Variants in FER1L6 observed in about 807,000 individuals in gnomAD.
The protein encoded by FER1L6 is fer-1 like family member 6.
Under a neutral mutation model 219.2 loss-of-function variants are expected in FER1L6, and 177 were observed. The observed-to-expected ratio is 0.81, with a 90% CI of 0.71 to 0.91. The LOEUF (loss-of-function observed/expected upper bound fraction) is 0.91, where lower values mean the gene tolerates loss of function less well. Among genes scored for constraint, FER1L6 ranks in the 40% least tolerant of loss-of-function variants. FER1L6 has a pLI of 0.00. For missense variants in FER1L6, 2,153 were observed against 2,259.9 expected, an observed-to-expected ratio of 0.95 and a Z score of 0.96; for synonymous variants, 768 against 824.3, an observed-to-expected ratio of 0.93 and a Z score of 1.17.
At chr8:124,103,048 A>T (rs1337011016) in intron 38 of FER1L6, 98 bp from the exon 39 acceptor site, 2 of 1,085,614 alleles carry the variant, frequency 1.8e-6, no homozygotes, top group African/African-American at 3.1e-5. Context: ...AATGAGTAGG[A>T]AGTGAAGGGT....
chr8:124,003,087 G>T, intron 12 of FER1L6, 80 bp from the exon 13 acceptor site: 1 of 1,199,110 alleles, frequency 8.3e-7, no homozygotes, highest in Non-Finnish European at 1.2e-6. Flanking sequence ...GGGAGAACAT[G>T]AGTTTGGATC....
At chr8:124,074,624 C>T (rs905513396) in intron 31 of FER1L6, among the ~76,000 whole-genome samples, 9 of 150,076 alleles carry the variant, frequency 6.0e-5, no homozygotes, top group Admixed American at 1.3e-4. Context: ...TGTACTTTAG[C>T]CTAGGTGACA....
intron 2 of FER1L6, among the ~76,000 whole-genome samples, chr8:123,958,363 G>T (rs1815111150): frequency 6.6e-6 from 1 of 152,168 alleles, no homozygotes; most frequent in Non-Finnish European, 1.5e-5. Flanking sequence ...TGGCCAATGG[G>T]GTGCTCCAGC....
chr8:123,980,060 G>A (rs1386970969), intron 10 of FER1L6, among the ~76,000 whole-genome samples: 1 of 152,134 alleles, frequency 6.6e-6, no homozygotes, highest in East Asian at 1.9e-4. Context: ...AACACAAAGT[G>A]TATTTCCTCC....
chr8:123,871,114 A>G (rs1256682387), intron 1 of FER1L6, among the ~76,000 whole-genome samples: 1 of 152,244 alleles, frequency 6.6e-6, no homozygotes, highest in Non-Finnish European at 1.5e-5. Flanking sequence ...GGAGAAGTCT[A>G]TAATAATCCA....
At chr8:123,865,292 C>T (rs1373500543) in intron 1 of FER1L6, among the ~76,000 whole-genome samples, 6 of 149,978 alleles carry the variant, frequency 4.0e-5, no homozygotes, top group Non-Finnish European at 7.4e-5. Context: ...TTAGGCTGCT[C>T]AGGGGTCAGG....
intron 1 of FER1L6, among the ~76,000 whole-genome samples, chr8:123,951,121 A>AG (rs1275482484): frequency 1.3e-5 from 2 of 152,192 alleles, no homozygotes; most frequent in Non-Finnish European, 2.9e-5. Flanking sequence ...TCTCTTTGAG[A>AG]GGATAGCTCA....
intron 1 of FER1L6, among the ~76,000 whole-genome samples, chr8:123,857,835 TC>T (rs1816675510): frequency 2.0e-5 from 3 of 152,212 alleles, no homozygotes; most frequent in Admixed American, 2.0e-4. Flanking sequence ...GCCGGAATTT[TC>T]TGGACAAAAA....
chr8:124,079,759 G>A (rs764206264), intron 32 of FER1L6, among the ~76,000 whole-genome samples: 2 of 152,170 alleles, frequency 1.3e-5, no homozygotes, highest in Admixed American at 1.3e-4. Flanking sequence ...TAAGGGAGAG[G>A]TACAGGGGCC....
At chr8:123,884,200 G>A (rs1586439092) in intron 1 of FER1L6, among the ~76,000 whole-genome samples, 2 of 152,366 alleles carry the variant, frequency 1.3e-5, no homozygotes, top group Middle Eastern at 6.8e-3. Context: ...CTGCCCCAGA[G>A]TTGAGTAATG....
chr8:123,957,020 G>A (rs116879076), intron 2 of FER1L6, among the ~76,000 whole-genome samples: 2,238 of 152,314 alleles, frequency 0.015, 32 homozygotes, highest in South Asian at 0.035. Flanking sequence ...GACTTCTGCT[G>A]CATAGCCTTG....
chr8:123,992,729 T>C (rs1384518537), intron 12 of FER1L6, among the ~76,000 whole-genome samples: 1 of 152,208 alleles, frequency 6.6e-6, no homozygotes, highest in Admixed American at 6.5e-5. Flanking sequence ...CTTTGTTATT[T>C]CTTTTCTTCT....
intron 12 of FER1L6, among the ~76,000 whole-genome samples, chr8:123,998,115 C>T (rs1433174076): frequency 6.6e-6 from 1 of 152,054 alleles, no homozygotes; most frequent in African/African-American, 2.4e-5. Context: ...TTATTGTAGT[C>T]TTTGTAGTCT....
chr8:124,035,459 G>A lies in FER1L6; in HGVS notation c.2464+5G>A, dbSNP rs1163301724. On this transcript the variant is annotated splice_donor_5th_base_variant and intron_variant, in intron 19 of 40. Coordinates refer to ENST00000522917, the MANE Select transcript of FER1L6 (RefSeq NM_001039112.2). Reference sequence around the variant, plus strand: ...CATCTAACCTGCTCTACCAAGGTAGGGTCCCCACTGGGCAAAGAGGGTCAT... The same window carrying A: ...CATCTAACCTGCTCTACCAAGGTAGAGTCCCCACTGGGCAAAGAGGGTCAT... 1 of 1,610,068 alleles carries A rather than the reference G, an allele frequency of 6.2e-7. No individual in the cohort carries two copies. The highest frequency in any genetic ancestry group is 2.2e-5 in the East Asian group (1 of 44,796).
intron 1 of FER1L6, among the ~76,000 whole-genome samples, chr8:123,954,035 C>T (rs1171353747): frequency 6.6e-6 from 1 of 152,176 alleles, no homozygotes; most frequent in Non-Finnish European, 1.5e-5. Context: ...ACTTATTTAG[C>T]ACTTTCTATA....
chr8:123,976,244 G>A (rs949083816), intron 9 of FER1L6, among the ~76,000 whole-genome samples, 160 bp downstream of exon 9: 1 of 152,236 alleles, frequency 6.6e-6, no homozygotes, highest in Admixed American at 6.5e-5. Flanking sequence ...GCTCACACCT[G>A]TAATCCCAGC....
At chr8:124,055,329 C>T (rs1417142158) in intron 22 of FER1L6, among the ~76,000 whole-genome samples, 3 of 151,988 alleles carry the variant, frequency 2.0e-5, no homozygotes, top group Non-Finnish European at 4.4e-5. Context: ...GAACTATGAT[C>T]ATGCTACTGC....
Position 124,097,809 on chromosome 8 carries a change from G to T in FER1L6, c.4809G>T (p.Trp1603Cys). 1 of 1,603,810 alleles carries T rather than the reference G, an allele frequency of 6.2e-7. No homozygotes were observed. Among genetic ancestry groups the T allele is most frequent in the African/African-American group, 1.3e-5 (1 of 74,854 alleles). ...PKGYELRVTIWNTEDVILEDE... is the reference protein window; with the variant it reads ...PKGYELRVTICNTEDVILEDE... ...GATACGAATTGAGAGTGACCATCTGGAACACTGAAGATGTCATTTTAGAGG... is the reference window on the plus strand; with the variant it reads ...GATACGAATTGAGAGTGACCATCTGTAACACTGAAGATGTCATTTTAGAGG... Residue 1603 changes from tryptophan to cysteine, a missense_variant, in exon 37 of 41, where the codon TGG (tryptophan) becomes TGT (cysteine). Physicochemically the swap from Trp to Cys is radical, Grantham distance 215. Transcript: ENST00000522917.
intron 1 of FER1L6, among the ~76,000 whole-genome samples, chr8:123,933,529 G>A (rs143708022): frequency 6.6e-6 from 1 of 152,316 alleles, no homozygotes; most frequent in East Asian, 1.9e-4. Context: ...ATGCATATGT[G>A]TGCACACACA....
Sources: gnomAD v4.1 joint callset for allele counts (sites outside exome capture counted in the v4.1 genomes callset) on GRCh38, gnomAD v4.1.1 for gene constraint, MANE v1.5 for transcripts, NCBI Gene and HGNC (gene_info 2026-07-23, HGNC 2026-07-21) for gene names.